Variants in QTMAN observed in about 807,000 individuals in gnomAD.
QTMAN encodes the protein tRNA-queuosine alpha-mannosyltransferase.
the QTMAN span, among the ~76,000 whole-genome samples, chr2:144,212,670 A>G: frequency 6.6e-6 from 1 of 152,192 alleles, no homozygotes; most frequent in Non-Finnish European, 1.5e-5. Flanking sequence ...TCCCTGAAAG[A>G]GCATATAAAA....
the QTMAN span, among the ~76,000 whole-genome samples, chr2:144,276,450 A>G: frequency 1.3e-5 from 2 of 152,070 alleles, no homozygotes; most frequent in East Asian, 3.8e-4. Flanking sequence ...TCAGGCTCCC[A>G]AAGTGCTAGG....
the QTMAN span, among the ~76,000 whole-genome samples, chr2:144,185,465 G>A: frequency 1.3e-5 from 2 of 152,216 alleles, no homozygotes; most frequent in East Asian, 1.9e-4. Context: ...TCCATTGGAC[G>A]CACCAGCTGG....
At chr2:144,002,630 G>A in the QTMAN span, among the ~76,000 whole-genome samples, 1 of 151,928 alleles carries the variant, frequency 6.6e-6, no homozygotes, top group Non-Finnish European at 1.5e-5. Context: ...AATGAACTGT[G>A]TCAACATTTA....
At chr2:144,049,408 C>T in the QTMAN span, among the ~76,000 whole-genome samples, 95 of 152,032 alleles carry the variant, frequency 6.2e-4, no homozygotes, top group African/African-American at 2.2e-3. Flanking sequence ...GTTACTGATA[C>T]GAGTTGTGGA....
At chr2:144,067,563 G>C in the QTMAN span, among the ~76,000 whole-genome samples, 6 of 152,290 alleles carry the variant, frequency 3.9e-5, no homozygotes, top group East Asian at 9.6e-4. Flanking sequence ...AGTAGAAAAA[G>C]GATTATTTAT....
the QTMAN span, among the ~76,000 whole-genome samples, chr2:144,140,712 G>T: frequency 6.6e-6 from 1 of 152,006 alleles, no homozygotes; most frequent in Admixed American, 6.6e-5. Context: ...TGCTTGAATG[G>T]TAAGTAGAAA....
the QTMAN span, among the ~76,000 whole-genome samples, chr2:144,266,313 A>G: frequency 6.6e-6 from 1 of 152,242 alleles, no homozygotes; most frequent in Non-Finnish European, 1.5e-5. Context: ...AGAATTTGAA[A>G]AATGGCAAAA....
At chr2:143,968,658 C>T in the QTMAN span, among the ~76,000 whole-genome samples, 1 of 152,180 alleles carries the variant, frequency 6.6e-6, no homozygotes, top group Non-Finnish European at 1.5e-5. Flanking sequence ...GAATTTCCTC[C>T]AGCATCGTTT....
At chr2:143,968,377 C>A in the QTMAN span, among the ~76,000 whole-genome samples, 1 of 151,504 alleles carries the variant, frequency 6.6e-6, no homozygotes, top group African/African-American at 2.4e-5. Flanking sequence ...ATCCCCCCTC[C>A]ACAGTGCTCA....
chr2:144,327,000 G>A, the QTMAN span, among the ~76,000 whole-genome samples: 17 of 152,234 alleles, frequency 1.1e-4, no homozygotes, highest in African/African-American at 3.6e-4. Context: ...TTGCTACGAC[G>A]TGGGTGTGTT....
chr2:144,018,165 C>A, the QTMAN span, among the ~76,000 whole-genome samples: 1 of 152,036 alleles, frequency 6.6e-6, no homozygotes, highest in Non-Finnish European at 1.5e-5. Context: ...ACTGCATAAA[C>A]CAGGAAAATA....
chr2:143,974,733 GTT>G, the QTMAN span, among the ~76,000 whole-genome samples: 2 of 150,516 alleles, frequency 1.3e-5, no homozygotes, highest in African/African-American at 4.9e-5. Context: ...GTTTTCTATT[GTT>G]TCTTTAATAA....
chr2:143,971,208 T>C, the QTMAN span, among the ~76,000 whole-genome samples: 2 of 152,030 alleles, frequency 1.3e-5, no homozygotes, highest in African/African-American at 4.8e-5. Flanking sequence ...TTCATTTCCA[T>C]AGGTCTGAAT....
chr2:144,027,998 C>T, the QTMAN span, among the ~76,000 whole-genome samples: 420 of 152,244 alleles, frequency 2.8e-3, 3 homozygotes, highest in African/African-American at 9.7e-3. Flanking sequence ...ACTCCTTCGA[C>T]CACTTCTAAC....
the QTMAN span, among the ~76,000 whole-genome samples, chr2:144,294,204 T>G: frequency 6.6e-6 from 1 of 152,326 alleles, no homozygotes; most frequent in East Asian, 1.9e-4. Flanking sequence ...TTATGCTGTA[T>G]TATTTTAGTT....
the QTMAN span, among the ~76,000 whole-genome samples, chr2:144,133,004 G>T: frequency 4.8e-5 from 7 of 144,742 alleles, no homozygotes; most frequent in African/African-American, 1.0e-4. Context: ...TTAGTGATTT[G>T]CCCTAGGCTG....
the QTMAN span, among the ~76,000 whole-genome samples, chr2:144,100,059 G>C: frequency 6.6e-6 from 1 of 152,178 alleles, no homozygotes; most frequent in African/African-American, 2.4e-5. Context: ...TGCAGCACCT[G>C]GTACACCACA....
the QTMAN span, among the ~76,000 whole-genome samples, chr2:144,298,995 G>T: frequency 1.9e-4 from 29 of 152,244 alleles, no homozygotes; most frequent in African/African-American, 7.0e-4. Flanking sequence ...CCTGGCAGGA[G>T]ACTTTTTTTT....
At chr2:144,081,284 C>T in the QTMAN span, among the ~76,000 whole-genome samples, 3 of 151,998 alleles carry the variant, frequency 2.0e-5, no homozygotes, top group African/African-American at 7.3e-5. Context: ...GGGAAAGGAA[C>T]AAAAATCAGA....
Sources: gnomAD v4.1 joint callset for allele counts (sites outside exome capture counted in the v4.1 genomes callset) on GRCh38, gnomAD v4.1.1 for gene constraint, MANE v1.5 for transcripts, NCBI Gene and HGNC (gene_info 2026-07-23, HGNC 2026-07-21) for gene names.